The following HYDIN variants were observed in gnomAD, a reference collection of about 807,000 sequenced individuals.
HYDIN encodes axonemal central pair apparatus protein HYDIN.
Under a neutral mutation model 403.9 loss-of-function variants are expected in HYDIN, and 132 were observed. The ratio of observed to expected loss-of-function variants is 0.33; its 90% CI spans 0.28 to 0.38. HYDIN has a LOEUF of 0.38. Among genes scored for constraint, HYDIN ranks in the 10% least tolerant of loss-of-function variants. The pLI is 1.00. For missense variants in HYDIN, 2,827 were observed against 5,009.5 expected (o/e 0.56, Z 13.15); for synonymous variants, 1,202 against 1,891.7 (o/e 0.64, Z 9.46).
chr16:70,832,781 G>C, intron 80 of HYDIN, 67 bp downstream of exon 80: 1 of 1,336,288 alleles, frequency 7.5e-7, no homozygotes, highest in Non-Finnish European at 1.1e-6. Flanking sequence ...GTTTGAAGGA[G>C]GCCTGGCTGA....
chr16:70,938,479 G>A (rs908773159), intron 44 of HYDIN, 135 bp downstream of exon 44: 13 of 731,690 alleles, frequency 1.8e-5, no homozygotes, highest in Non-Finnish European at 2.5e-5. Flanking sequence ...GCTCCTTGCA[G>A]GTCACCTTCC....
intron 45 of HYDIN, among the ~76,000 whole-genome samples, chr16:70,933,924 G>C (rs1017675927): frequency 2.6e-5 from 4 of 152,014 alleles, no homozygotes; most frequent in African/African-American, 7.3e-5. Flanking sequence ...CATGGGATGG[G>C]GGTCAGCCTT....
At position 70,826,733 on chromosome 16, in the gene HYDIN, CTCTCT is replaced by C. The variant is rs1469354245; in HGVS notation, c.14427+523_14427+527del. On this transcript the variant is annotated intron_variant, in intron 83 of 85. Transcript: ENST00000393567. ...TCTCTCTCTCTCTCTCTCTCTCTCT[CTCTCT>C]CTCTCTCTGTGTGTGTGTTCCTAGA... 9.0e-5 allele frequency among the ~76,000 whole-genome samples: 13 copies of C among 144,856 alleles called. 2 individuals carry two copies. Among genetic ancestry groups the C allele is most frequent in the African/African-American group, 3.7e-4 (13 of 34,934 alleles).
chr16:71,186,930 A>T lies in HYDIN; in HGVS notation c.-23-12T>A, dbSNP rs1388125514. 6.4e-7 allele frequency: 1 copy of T among 1,573,470 alleles called. No homozygotes were observed. Among genetic ancestry groups the T allele is most frequent in the African/African-American group, 1.4e-5 (1 of 73,310 alleles). On this transcript the variant is annotated splice_polypyrimidine_tract_variant and intron_variant, in intron 1 of 85. Coordinates refer to ENST00000393567, the MANE Select transcript of HYDIN (RefSeq NM_001270974.2). ...TTTTTTTTTCTCACCTAAGAGTGAA[A>T]CAAAAATGTCTTAGAACAAATACAG...
chr16:71,000,104 G>A (rs1216942250), intron 23 of HYDIN, among the ~76,000 whole-genome samples: 1 of 151,312 alleles, frequency 6.6e-6, no homozygotes, highest in East Asian at 2.0e-4. Context: ...AGCTAGCTTT[G>A]GGAGGATTTT....
intron 7 of HYDIN, among the ~76,000 whole-genome samples, chr16:71,141,288 G>A (rs551057267): frequency 6.7e-6 from 1 of 148,770 alleles, no homozygotes; most frequent in South Asian, 2.1e-4. Context: ...ATAGCCATAT[G>A]AAAAAACATA....
At chr16:71,137,926 C>CACACAT (rs1297288934) in intron 7 of HYDIN, among the ~76,000 whole-genome samples, 1 of 147,840 alleles carries the variant, frequency 6.8e-6, no homozygotes, top group Non-Finnish European at 1.5e-5. Context: ...GAAACACACA[C>CACACAT]ACACATACAC....
chr16:71,120,702 CCCTT>C (rs1286850950), intron 9 of HYDIN, among the ~76,000 whole-genome samples: 2 of 151,696 alleles, frequency 1.3e-5, no homozygotes, highest in Admixed American at 6.6e-5. Context: ...CTTCGTTTCT[CCCTT>C]CCTTCCTTCC....
At chr16:70,860,290 C>T in intron 70 of HYDIN, 84 bp from the exon 71 acceptor site, 6 of 1,473,112 alleles carry the variant, frequency 4.1e-6, no homozygotes, top group Non-Finnish European at 4.6e-6. Context: ...CTGGCCCCAA[C>T]CCAGTCCCCC....
At chr16:71,210,499 A>G (rs191742307) in intron 1 of HYDIN, among the ~76,000 whole-genome samples, 1 of 152,186 alleles carries the variant, frequency 6.6e-6, no homozygotes, top group East Asian at 1.9e-4. Flanking sequence ...CATTGTGCCT[A>G]CTTGAGGGAG....
chr16:71,157,394 G>A (rs1399561199), intron 6 of HYDIN, among the ~76,000 whole-genome samples: 1 of 152,156 alleles, frequency 6.6e-6, no homozygotes, highest in Non-Finnish European at 1.5e-5. Flanking sequence ...GCTCTACCAT[G>A]TCTATTAACA....
At chr16:70,870,657 A>C (rs979000573) in intron 65 of HYDIN, among the ~76,000 whole-genome samples, 5 of 152,190 alleles carry the variant, frequency 3.3e-5, no homozygotes, top group Admixed American at 2.6e-4. Context: ...AGGCTTTGGT[A>C]ATAAAAATAA....
chr16:70,879,210 A>G, intron 62 of HYDIN, 87 bp downstream of exon 62: 3 of 1,029,552 alleles, frequency 2.9e-6, no homozygotes, highest in East Asian at 2.6e-5. Context: ...GTCCTCATAC[A>G]TTAGGCATGG....
At chr16:71,170,780 C>T (rs188611986) in intron 5 of HYDIN, among the ~76,000 whole-genome samples, 1 of 152,108 alleles carries the variant, frequency 6.6e-6, no homozygotes, top group African/African-American at 2.4e-5. Context: ...TAAAAAGGCC[C>T]TTATCTTTAA....
intron 21 of HYDIN, among the ~76,000 whole-genome samples, chr16:71,024,339 C>G (rs796866461): frequency 1.3e-5 from 2 of 152,212 alleles, no homozygotes. Flanking sequence ...TTCTCTCCCC[C>G]TCCCTTGTCA....
intron 1 of HYDIN, among the ~76,000 whole-genome samples, chr16:71,195,786 A>G (rs2087669677): frequency 6.6e-6 from 1 of 152,226 alleles, no homozygotes; most frequent in Admixed American, 6.5e-5. Flanking sequence ...TCCATTAAGA[A>G]TTCACTTATT....
At chr16:71,174,153 T>C (rs1255727714) in intron 5 of HYDIN, among the ~76,000 whole-genome samples, 1 of 152,054 alleles carries the variant, frequency 6.6e-6, no homozygotes, top group Non-Finnish European at 1.5e-5. Context: ...AATTGTAGTT[T>C]CCTAAACACA....
chr16:70,905,125 G>A (rs1340075353), intron 50 of HYDIN, among the ~76,000 whole-genome samples: 2 of 152,172 alleles, frequency 1.3e-5, no homozygotes, highest in East Asian at 3.9e-4. Flanking sequence ...CCATGATGGA[G>A]GATGAAAGGA....
chr16:71,193,817 A>G (rs181319430), intron 1 of HYDIN, among the ~76,000 whole-genome samples: 1 of 152,158 alleles, frequency 6.6e-6, no homozygotes, highest in Non-Finnish European at 1.5e-5. Flanking sequence ...CTTTTTCTTT[A>G]TCTTAAATGT....
Sources: allele counts gnomAD v4.1 joint callset (sites outside exome capture counted in the v4.1 genomes callset), GRCh38; gene constraint gnomAD v4.1.1; transcripts MANE v1.5; gene names NCBI Gene and HGNC (gene_info 2026-07-23, HGNC 2026-07-21).